TEX11: variants seen among roughly 807,000 people sequenced by gnomAD.
The protein encoded by TEX11 is testis expressed 11, also known as testis-expressed protein 11.
In TEX11, 7 loss-of-function variants were observed where a neutral mutation model predicts 84.4. That is an observed-to-expected ratio of 0.08 (90% CI 0.05 to 0.16). The LOEUF is 0.16. TEX11 is among the 10% of genes least tolerant of loss of function. The pLI is 1.00. For missense variants in TEX11, 551 were observed against 660.5 expected (o/e 0.83, Z 1.82); for synonymous variants, 264 against 222.8 (o/e 1.18, Z -1.64).
At chrX:70,682,564 A>G (rs1026179429) in intron 14 of TEX11, 110 bp downstream of exon 14, 1 of 862,600 alleles carries the variant, frequency 1.2e-6, no homozygotes, top group Non-Finnish European at 1.6e-6. Context: ...AGGAAGAAAA[A>G]AAGGAAGTGG....
chrX:70,866,337 A>G (rs1379469681), intron 4 of TEX11, among the ~76,000 whole-genome samples: 3 of 109,673 alleles, frequency 2.7e-5, no homozygotes, highest in Non-Finnish European at 5.7e-5. Context: ...AGACAAAACC[A>G]GAAGATGTCG....
chrX:70,686,570 C>T (rs1485780466), intron 13 of TEX11, among the ~76,000 whole-genome samples: 1 of 110,105 alleles, frequency 9.1e-6, no homozygotes, highest in Non-Finnish European at 1.9e-5. Flanking sequence ...AGCATCAAGA[C>T]AAATAGCTAA....
At chrX:70,572,315 C>T (rs1341568048) in intron 25 of TEX11, among the ~76,000 whole-genome samples, 3 of 111,676 alleles carry the variant, frequency 2.7e-5, no homozygotes, top group African/African-American at 6.5e-5. Flanking sequence ...CATCTCACAC[C>T]AGTTAGAATG....
chrX:70,601,443 G>A (rs2089107961), intron 24 of TEX11, among the ~76,000 whole-genome samples: 1 of 98,887 alleles, frequency 1.0e-5, no homozygotes, highest in Non-Finnish European at 2.0e-5. Context: ...AGAGGTACAA[G>A]GAGGAACTGG....
intron 4 of TEX11, among the ~76,000 whole-genome samples, chrX:70,870,868 C>T (rs61211309): frequency 9.0e-6 from 1 of 111,294 alleles, no homozygotes; most frequent in African/African-American, 3.3e-5. Context: ...AATGGAAGGG[C>T]CTGGGCATCT....
At chrX:70,840,326 A>C (rs1023191618) in intron 7 of TEX11, among the ~76,000 whole-genome samples, 2 of 111,787 alleles carry the variant, frequency 1.8e-5, no homozygotes, top group Admixed American at 1.9e-4. Context: ...ACCAATATTC[A>C]ACATTCTTAA....
intron 24 of TEX11, among the ~76,000 whole-genome samples, chrX:70,604,851 G>C (rs769754104): frequency 9.0e-6 from 1 of 111,524 alleles, no homozygotes; most frequent in East Asian, 2.8e-4. Flanking sequence ...TATGGGAGAC[G>C]GTGATATTGA....
rs111866706 is a variant in TEX11 at position 70,630,039 on chromosome X, G to A, written c.1484-304C>T. 7.3e-3 allele frequency among the ~76,000 whole-genome samples: 811 copies of A among 111,731 alleles called. 4 individuals carry two copies. Among genetic ancestry groups the A allele is most frequent in the African/African-American group, 0.019 (575 of 30,776 alleles). ...TATAAGAGTAAAATATGGGCCAGGC[G>A]CGGTGGCTCACGCCTGTAATCCCAG... On this transcript the variant is annotated intron_variant, in intron 17 of 29. Transcript: ENST00000374333.
chrX:70,804,072 T>C (rs140189276), intron 9 of TEX11, among the ~76,000 whole-genome samples: 175 of 112,022 alleles, frequency 1.6e-3, no homozygotes, highest in Non-Finnish European at 3.0e-3. Context: ...ACTTAGTAAG[T>C]AATCCATGCT....
intron 2 of TEX11, among the ~76,000 whole-genome samples, chrX:70,890,771 G>C (rs2091733567): frequency 8.9e-6 from 1 of 112,288 alleles, no homozygotes. Flanking sequence ...CCACCTCTGG[G>C]GGCAGGGCAG....
intron 9 of TEX11, 43 bp from the exon 10 acceptor site, chrX:70,744,262 A>G (rs1178278189): frequency 1.9e-6 from 1 of 537,563 alleles, no homozygotes; most frequent in Non-Finnish European, 2.5e-6. Flanking sequence ...ATATATAAAC[A>G]TATATCCATT....
At chrX:70,654,567 T>C (rs893993950) in intron 16 of TEX11, among the ~76,000 whole-genome samples, 1 of 109,212 alleles carries the variant, frequency 9.2e-6, no homozygotes, top group Non-Finnish European at 1.9e-5. Flanking sequence ...AAAAATTAGC[T>C]GGATGTGGTG....
At chrX:70,636,924 G>C (rs73542463) in intron 17 of TEX11, among the ~76,000 whole-genome samples, 6,229 of 111,753 alleles carry the variant, frequency 0.056, 352 homozygotes, top group African/African-American at 0.16. Flanking sequence ...CCAGACTAAA[G>C]AGCTGCTGCA....
intron 5 of TEX11, among the ~76,000 whole-genome samples, chrX:70,856,240 G>A (rs1294162688): frequency 9.0e-6 from 1 of 111,193 alleles, no homozygotes; most frequent in Non-Finnish European, 1.9e-5. Flanking sequence ...AGGATATAAT[G>A]TTAAACGAGG....
chrX:70,760,790 G>A (rs1485395100), intron 9 of TEX11, among the ~76,000 whole-genome samples: 3 of 111,249 alleles, frequency 2.7e-5, no homozygotes, highest in South Asian at 7.6e-4. Context: ...GCTTCTGCAC[G>A]GCAGAAGATA....
At chrX:70,653,756 T>C (rs928551746) in intron 16 of TEX11, among the ~76,000 whole-genome samples, 1 of 112,188 alleles carries the variant, frequency 8.9e-6, no homozygotes, top group Non-Finnish European at 1.9e-5. Flanking sequence ...TTATAGTAGC[T>C]TTATTCATAA....
At chrX:70,636,241 G>A (rs753151556) in intron 17 of TEX11, among the ~76,000 whole-genome samples, 1 of 110,773 alleles carries the variant, frequency 9.0e-6, no homozygotes, top group South Asian at 4.0e-4. Context: ...TAGCAATTTA[G>A]TACCAACAAT....
chrX:70,715,648 C>T (rs958430237), intron 13 of TEX11, among the ~76,000 whole-genome samples: 2 of 112,086 alleles, frequency 1.8e-5, no homozygotes, highest in African/African-American at 6.5e-5. Context: ...CCATCAGGTC[C>T]TTTAAGGACT....
At chrX:70,568,775 G>C (rs1370213826) in intron 25 of TEX11, among the ~76,000 whole-genome samples, 1 of 111,677 alleles carries the variant, frequency 9.0e-6, no homozygotes, top group Non-Finnish European at 1.9e-5. Context: ...CGAGAGATCA[G>C]CTGTTAGTCT....
Sources: allele counts gnomAD v4.1 joint callset (sites outside exome capture counted in the v4.1 genomes callset), GRCh38; gene constraint gnomAD v4.1.1; transcripts MANE v1.5; gene names NCBI Gene and HGNC (gene_info 2026-07-23, HGNC 2026-07-21).